NPTX1: variants seen among roughly 807,000 people sequenced by gnomAD.
NPTX1 encodes the protein neuronal pentraxin 1, also known as neuronal pentraxin-1.
A neutral mutation model predicts 38.7 loss-of-function variants in NPTX1; 12 were observed. The ratio of observed to expected loss-of-function variants is 0.31; its 90% CI spans 0.20 to 0.50. NPTX1 has a LOEUF of 0.50. Among genes scored for constraint, NPTX1 ranks in the 20% least tolerant of loss-of-function variants. NPTX1 has a pLI of 0.98. For synonymous variants in NPTX1, 272 were observed against 264.9 expected (o/e 1.03, Z -0.26); for missense variants, 454 against 592.2 (o/e 0.77, Z 2.42).
chr17:80,473,545 C>A (rs1327052927), intron 2 of NPTX1, 101 bp from the exon 3 acceptor site: 1 of 1,241,698 alleles, frequency 8.1e-7, no homozygotes, highest in African/African-American at 1.5e-5. Flanking sequence ...GTGGCCAGGG[C>A]AGGCTCCGGT....
At chr17:80,471,139 C>G in intron 4 of NPTX1, 105 bp from the exon 5 acceptor site, 1 of 822,600 alleles carries the variant, frequency 1.2e-6, no homozygotes, top group Non-Finnish European at 1.9e-6. Context: ...CGATCACGGA[C>G]TCTCACGGAC....
chr17:80,469,553 G>A lies in NPTX1; in HGVS notation c.*1260C>T, dbSNP rs972811675. 1 of 152,324 alleles carries A rather than the reference G, an allele frequency of 6.6e-6. No homozygotes were observed. Among genetic ancestry groups the A allele is most frequent in the African/African-American group, 2.4e-5 (1 of 41,480 alleles). The allele number at this position is 152,324 out of a possible 1,614,324, so 9.4% of individuals were successfully genotyped here. On this transcript the variant is annotated 3_prime_UTR_variant, in exon 5 of 5. Transcript: ENST00000306773. ...GGCCAGTGGCAGCTTGTGGGCTGCT[G>A]TAGGCCGTGAGCCCCATGAGATGGA...
rs772635227 is a variant in NPTX1 at position 80,476,283 on chromosome 17, C to T, written c.164G>A (p.Arg55Gln). ...CTCGCGGAGCTGCAGCACGCTGCTC[C>T]GGAGCTCCTCGGCGCCGCCGGCGGC... is the stretch of plus-strand genomic sequence containing the variant. ...SVAAGGAEEL[R>Q]SSVLQLRETV... The change falls in exon 1 of 5, where the codon CGG becomes CAG. Residue 55 changes from arginine to glutamine, a missense_variant. Arg to Gln is a conservative substitution (Grantham distance 43). This residue lies in a region of NPTX1 where 288 missense variants were observed against 318.4 expected (regional missense o/e 0.90). Coordinates refer to ENST00000306773, the MANE Select transcript of NPTX1 (RefSeq NM_002522.4). This position sits in a 1 kb window ranked among gnomAD's most constrained non-coding sequence, Gnocchi z 6.3. 16 of 1,562,588 alleles carry T rather than the reference C, an allele frequency of 1.0e-5. No homozygotes were observed. Among genetic ancestry groups the T allele is most frequent in the Non-Finnish European group, 1.3e-5 (15 of 1,162,168 alleles).
intron 2 of NPTX1, chr17:80,473,936 C>A (rs1244083836): frequency 6.1e-6 from 1 of 163,494 alleles, no homozygotes; most frequent in East Asian, 1.8e-4. Flanking sequence ...TCTCCCCACC[C>A]GACAGCCAGG....
At position 80,469,147 on chromosome 17, in the gene NPTX1, G is replaced by A. The variant is rs947231683; in HGVS notation, c.*1666C>T. 15 of 152,532 alleles carry A rather than the reference G, an allele frequency of 9.8e-5. No individual in the cohort carries two copies. The highest frequency in any genetic ancestry group is 3.6e-4 in the African/African-American group (15 of 41,438). The allele number at this position is 152,532 out of a possible 1,614,324, so 9.4% of individuals were successfully genotyped here. ...TTAAGGGGACAGGTGGCCCTAGAAG[G>A]AACAGAAGACAGAAACACCTGCTCC... On this transcript the variant is annotated 3_prime_UTR_variant, in exon 5 of 5. Coordinates refer to ENST00000306773, the MANE Select transcript of NPTX1 (RefSeq NM_002522.4).
rs762100566 is a variant in NPTX1, at chr17:80,476,183, G to A, written c.264C>T (p.Arg88=). The A allele has an allele frequency of 1.2e-5, 19 of 1,582,306 alleles. No homozygotes were observed. Among genetic ancestry groups the A allele is most frequent in the Non-Finnish European group, 1.6e-5 (19 of 1,169,844 alleles). Residue 88 remains arginine (R), a synonymous_variant, in exon 1 of 5, where the codon CGC becomes CGT. Transcript: ENST00000306773. The surrounding 1 kb of genome is among the most constrained non-coding windows in gnomAD (Gnocchi z 6.3). ...TIRELTAKLG[R]CESQSTLDPG... is the part of the protein sequence containing the mutation. ...GGTCCAGCGTGCTCTGGCTCTCGCAGCGGCCCAGCTTGGCGGTCAGCTCGC... is the reference window on the plus strand; with the variant it reads ...GGTCCAGCGTGCTCTGGCTCTCGCAACGGCCCAGCTTGGCGGTCAGCTCGC...
chr17:80,473,605 C>T, intron 2 of NPTX1, 161 bp from the exon 3 acceptor site: 1 of 694,104 alleles, frequency 1.4e-6, no homozygotes, highest in African/African-American at 1.8e-5. Flanking sequence ...AAGTACTTTG[C>T]CCCAAGGCAC....
chr17:80,473,503 T>G, intron 2 of NPTX1, 59 bp from the exon 3 acceptor site: 10 of 1,567,894 alleles, frequency 6.4e-6, no homozygotes, highest in Non-Finnish European at 8.7e-6. Context: ...GGTGTCTGAG[T>G]TGAGTTCGGT....
chr17:80,475,430 T>G lies in NPTX1; in HGVS notation c.652+81A>C. On this transcript the variant is annotated intron_variant, in intron 2 of 4. Coordinates refer to ENST00000306773, the MANE Select transcript of NPTX1 (RefSeq NM_002522.4). This position sits in a 1 kb window ranked among gnomAD's most constrained non-coding sequence, Gnocchi z 6.5. ...GCTTGAGGCTTGCACAGTGCAGAGCTGGGCTGTTAGGGATCGGGACCGAGG... is the reference window on the plus strand; with the variant it reads ...GCTTGAGGCTTGCACAGTGCAGAGCGGGGCTGTTAGGGATCGGGACCGAGG... 1 of 1,018,114 alleles carries G rather than the reference T, an allele frequency of 9.8e-7. No individual in the cohort carries two copies. Among genetic ancestry groups the G allele is most frequent in the Non-Finnish European group, 1.4e-6 (1 of 716,232 alleles). The allele number at this position is 1,018,114 out of a possible 1,614,324, so 63.1% of individuals were successfully genotyped here. A position where few individuals can be genotyped will look rare whatever the true frequency, so the allele number is the denominator to read the frequency against.
At position 80,470,809 on chromosome 17, in the gene NPTX1, G is replaced by A. The variant is rs550952114; in HGVS notation, c.*4C>T. On this transcript the variant is annotated 3_prime_UTR_variant, in exon 5 of 5. Coordinates refer to ENST00000306773, the MANE Select transcript of NPTX1 (RefSeq NM_002522.4). ...GCGGGCGGGCTCAGCCTGGCCTGCC[G>A]TGCTCAGTTGATCTGGCGACAGGCC... 18 of 1,579,318 alleles carry A rather than the reference G, an allele frequency of 1.1e-5. No homozygotes were observed. Among genetic ancestry groups the A allele is most frequent in the African/African-American group, 6.7e-5 (5 of 74,520 alleles).
Position 80,473,704 on chromosome 17 carries a change from TG to T in NPTX1, c.653-261del, listed in dbSNP as rs1157898749. 1.2e-5 allele frequency: 6 copies of T among 499,126 alleles called. No individual in the cohort carries two copies. In the Admixed American group the frequency reaches 1.7e-4, roughly 14 times the overall value. The allele number at this position is 499,126 out of a possible 1,614,324, so 30.9% of individuals were successfully genotyped here. ...CCATGTGCTGGCATCCTTGGGGAGA[TG>T]GGGGTGGGGGGCAGTGCCTGGTGGG... On this transcript the variant is annotated intron_variant, in intron 2 of 4. Transcript: ENST00000306773.
rs1199164853 is a variant in NPTX1, at chr17:80,475,525, C to T, written c.638G>A (p.Ser213Asn). ...GGCCCCAGTACCTTTCTCGAGCTCG[C>T]TGATCCGCTGGTGCAGGGAGGTCAG... ...TALTSLHQRI[S>N]ELEKGQKDNR... Residue 213 changes from serine to asparagine, a missense_variant, in exon 2 of 5, where the codon AGC becomes AAC. This residue lies in a region of NPTX1 where 288 missense variants were observed against 318.4 expected (regional missense o/e 0.90). Transcript: ENST00000306773. The surrounding 1 kb of genome is among the most constrained non-coding windows in gnomAD (Gnocchi z 6.5). 3.1e-6 allele frequency: 5 copies of T among 1,611,978 alleles called. No individual in the cohort carries two copies. Among genetic ancestry groups the T allele is most frequent in the Non-Finnish European group, 4.2e-6 (5 of 1,179,722 alleles).
rs921513438 is a variant in NPTX1, at chr17:80,475,926, G to C, written c.444+77C>G. 13 of 1,265,258 alleles carry C rather than the reference G, an allele frequency of 1.0e-5. No homozygotes were observed. Among genetic ancestry groups the C allele is most frequent in the Non-Finnish European group, 1.4e-5 (13 of 910,714 alleles). 78.4% of individuals were successfully genotyped at this position (1,265,258 alleles called of 1,614,324 possible). ...AGGCGAGGGCGGGGGATGCCTGGCC[G>C]GGTAGGGAACGGGGTGGGGGAGGGC... is the stretch of plus-strand genomic sequence containing the variant. On this transcript the variant is annotated intron_variant, in intron 1 of 4. Coordinates refer to ENST00000306773, the MANE Select transcript of NPTX1 (RefSeq NM_002522.4). The surrounding 1 kb of genome is among the most constrained non-coding windows in gnomAD (Gnocchi z 6.5).
chr17:80,476,165 C>T lies in NPTX1; in HGVS notation c.282G>A (p.Thr94=), dbSNP rs768587879. 2 of 1,590,046 alleles carry T rather than the reference C, an allele frequency of 1.3e-6. No homozygotes were observed. The highest frequency in any genetic ancestry group is 1.7e-6 in the Non-Finnish European group (2 of 1,173,466). The change falls in exon 1 of 5, where the codon ACG becomes ACA. Residue 94 remains threonine, a synonymous_variant. Coordinates refer to ENST00000306773, the MANE Select transcript of NPTX1 (RefSeq NM_002522.4). This position sits in a 1 kb window ranked among gnomAD's most constrained non-coding sequence, Gnocchi z 6.3. ...AKLGRCESQS[T]LDPGAGEARA... is the part of the protein sequence containing the mutation. ...GGGCCTCGCCGGCTCCGGGGTCCAGCGTGCTCTGGCTCTCGCAGCGGCCCA... is the reference window on the plus strand; with the variant it reads ...GGGCCTCGCCGGCTCCGGGGTCCAGTGTGCTCTGGCTCTCGCAGCGGCCCA...
chr17:80,475,560 G>A lies in NPTX1; in HGVS notation c.603C>T (p.Ile201=), dbSNP rs747241801. The change falls in exon 2 of 5, where the codon ATC becomes ATT. Residue 201 remains isoleucine, a synonymous_variant. Transcript: ENST00000306773. This position sits in a 1 kb window ranked among gnomAD's most constrained non-coding sequence, Gnocchi z 6.5. ...PRNDTEERVK[I]ETALTSLHQR... ...GGTGCAGGGAGGTCAGGGCGGTCTC[G>A]ATCTTGACCCTCTCCTCGGTGTCGT... The A allele has an allele frequency of 1.9e-6, 3 of 1,612,892 alleles. No individual in the cohort carries two copies. The highest frequency in any genetic ancestry group is 2.2e-5 in the South Asian group (2 of 91,012).
chr17:80,471,613 G>A lies in NPTX1; in HGVS notation c.1077+119C>T, dbSNP rs79457298. Reference sequence around the variant, plus strand: ...ACAGGCCTTGCCCAGCCTGCTCCCCGGGCTGCTTCTCAGGGGAACCACTTC... The same window carrying A: ...ACAGGCCTTGCCCAGCCTGCTCCCCAGGCTGCTTCTCAGGGGAACCACTTC... On this transcript the variant is annotated intron_variant, in intron 4 of 4. Transcript: ENST00000306773. 4,707 of 1,453,274 alleles carry A rather than the reference G, an allele frequency of 3.2e-3. 121 individuals carry two copies. The African/African-American group carries it at 0.056, about 17-fold the overall frequency. 90.0% of individuals were successfully genotyped at this position (1,453,274 alleles called of 1,614,324 possible).
chr17:80,470,977 A>T lies in NPTX1; in HGVS notation c.1135T>A (p.Phe379Ile). 1 of 1,613,562 alleles carries T rather than the reference A, an allele frequency of 6.2e-7. No homozygotes were observed. Among genetic ancestry groups the T allele is most frequent in the Non-Finnish European group, 8.5e-7 (1 of 1,179,638 alleles). The change falls in exon 5 of 5, where the codon TTC becomes ATC. Residue 379 changes from phenylalanine (F) to isoleucine (I), a missense_variant. Phe to Ile is a conservative substitution (Grantham distance 21). This residue lies in a region of NPTX1 where 110 missense variants were observed against 197.5 expected (regional missense o/e 0.56). Coordinates refer to ENST00000306773, the MANE Select transcript of NPTX1 (RefSeq NM_002522.4). The stretch of plus-strand genomic sequence containing the variant: ...GTCAGCTTGCGGTCCCAGATGTTGA[A>T]GTGGGCCAGCTCACCCACAAATGCC... The part of the protein sequence containing the change: ...TQAFVGELAH[F>I]NIWDRKLTPG...
rs2083809503 is a variant in NPTX1 at position 80,467,077 on chromosome 17, C to T, written c.*3736G>A. 1 of 141,902 alleles carries T rather than the reference C, an allele frequency of 7.0e-6. No homozygotes were observed. Among genetic ancestry groups the T allele is most frequent in the Non-Finnish European group, 1.5e-5 (1 of 65,692 alleles). The allele number at this position is 141,902 out of a possible 1,614,324, so 8.8% of individuals were successfully genotyped here. ...AAAGTGAGATACATCGATTCTCTTTCATATTATACAGTATATACATTATAA... is the reference window on the plus strand; with the variant it reads ...AAAGTGAGATACATCGATTCTCTTTTATATTATACAGTATATACATTATAA... On this transcript the variant is annotated 3_prime_UTR_variant, in exon 5 of 5. Transcript: ENST00000306773.
At chr17:80,472,919 G>A (rs984988091) in intron 3 of NPTX1, among the ~76,000 whole-genome samples, 9 of 152,144 alleles carry the variant, frequency 5.9e-5, no homozygotes, top group African/African-American at 1.4e-4. Context: ...TCACATCATC[G>A]GGCAGGGCCA....
Sources: allele counts gnomAD v4.1 joint callset (sites outside exome capture counted in the v4.1 genomes callset), GRCh38; gene constraint gnomAD v4.1.1; regional missense constraint gnomAD v4.1.1; non-coding constraint Gnocchi (gnomAD v3.1); transcripts MANE v1.5; gene names NCBI Gene and HGNC (gene_info 2026-07-23, HGNC 2026-07-21).